The following AFAP1L1 variants were observed in gnomAD, a reference collection of about 807,000 sequenced individuals.
The protein encoded by AFAP1L1 is actin filament-associated protein 1-like 1.
In AFAP1L1, 77 loss-of-function variants were observed where a neutral mutation model predicts 99.8. The observed-to-expected ratio is 0.77, with a 90% CI of 0.64 to 0.93. AFAP1L1 has a LOEUF of 0.93. Ranked by LOEUF, AFAP1L1 falls within the 40% of genes least tolerant of loss-of-function variation. The pLI is 0.00. For missense variants in AFAP1L1, 893 were observed against 996.8 expected (o/e 0.90, Z 1.40); for synonymous variants, 373 against 395.3 (o/e 0.94, Z 0.67).
chr5:149,342,378 G>GC lies in AFAP1L1; in HGVS notation c.*2348_*2349insC. Among the ~76,000 whole-genome samples, 1 of 152,152 alleles carries GC rather than the reference G, an allele frequency of 6.6e-6. No homozygotes were observed. Among genetic ancestry groups the GC allele is most frequent in the Non-Finnish European group, 1.5e-5 (1 of 68,034 alleles). Reference sequence around the variant, plus strand: ...CCATAGTTCTTATATTTACATGCTGGTGGAGCCAGCATGTGAATATAAGAA... The same window carrying GC: ...CCATAGTTCTTATATTTACATGCTGGCTGGAGCCAGCATGTGAATATAAGAA... On this transcript the variant is annotated 3_prime_UTR_variant, in exon 19 of 19. Transcript: ENST00000296721.
intron 1 of AFAP1L1, among the ~76,000 whole-genome samples, chr5:149,299,099 C>T (rs1388960482): frequency 6.6e-6 from 1 of 152,192 alleles, no homozygotes; most frequent in Non-Finnish European, 1.5e-5. Flanking sequence ...TCCTGGATGG[C>T]CAGGGGCTCC....
chr5:149,336,802 C>T (rs532313101), intron 18 of AFAP1L1, among the ~76,000 whole-genome samples: 14 of 152,352 alleles, frequency 9.2e-5, no homozygotes, highest in African/African-American at 3.4e-4. Context: ...TTAAAGGCTG[C>T]ACCTCTCAAT....
chr5:149,291,051 G>T (rs1210456910), intron 1 of AFAP1L1, among the ~76,000 whole-genome samples: 1 of 152,198 alleles, frequency 6.6e-6, no homozygotes, highest in Non-Finnish European at 1.5e-5. Flanking sequence ...GCATAAAATG[G>T]GGGGAGTAGG....
chr5:149,309,560 G>A (rs772091026), intron 7 of AFAP1L1, among the ~76,000 whole-genome samples: 3 of 152,004 alleles, frequency 2.0e-5, no homozygotes, highest in Non-Finnish European at 2.9e-5. Context: ...ATCATTATTC[G>A]TAAACTATTG....
chr5:149,319,451 T>C (rs1032910670), intron 12 of AFAP1L1, 131 bp from the exon 13 acceptor site: 59 of 1,042,008 alleles, frequency 5.7e-5, no homozygotes, highest in Non-Finnish European at 7.4e-5. Context: ...TATAATCTTA[T>C]TCCTCTTTGA....
At chr5:149,299,745 C>G in intron 2 of AFAP1L1, 108 bp downstream of exon 2, 2 of 1,479,552 alleles carry the variant, frequency 1.4e-6, no homozygotes, top group Admixed American at 2.0e-5. Context: ...CCCCCACCCC[C>G]AGGGGCTGCC....
intron 2 of AFAP1L1, 115 bp from the exon 3 acceptor site, chr5:149,300,156 G>A (rs758767707): frequency 4.6e-6 from 3 of 654,250 alleles, no homozygotes; most frequent in Non-Finnish European, 7.8e-6. Flanking sequence ...TTTAGGACTT[G>A]AATGCGCTTT....
At chr5:149,305,512 C>G (rs1756378514) in intron 5 of AFAP1L1, among the ~76,000 whole-genome samples, 1 of 152,186 alleles carries the variant, frequency 6.6e-6, no homozygotes, top group Non-Finnish European at 1.5e-5. Context: ...CCAGCCCACT[C>G]CAATGAACCA....
intron 8 of AFAP1L1, among the ~76,000 whole-genome samples, chr5:149,310,463 T>C (rs904668655): frequency 6.6e-6 from 1 of 152,178 alleles, no homozygotes; most frequent in Admixed American, 6.5e-5. Flanking sequence ...ATTAGACCAG[T>C]GAATTCTTAA....
rs1757512266 is a variant in AFAP1L1 at position 149,339,856 on chromosome 5, C to T, written c.2284-151C>T. ...GATACCAGCATGGAGAAGTGACTTA[C>T]TCAGGGCCACAGAAAGAGAGAGAGG... is the stretch of plus-strand genomic sequence containing the variant. On this transcript the variant is annotated intron_variant, in intron 18 of 18. Coordinates refer to ENST00000296721, the MANE Select transcript of AFAP1L1 (RefSeq NM_152406.4). 6.2e-6 allele frequency: 4 copies of T among 643,140 alleles called. No homozygotes were observed. The South Asian group carries it at 9.4e-5, about 15-fold the overall frequency. 39.8% of individuals were successfully genotyped at this position (643,140 alleles called of 1,614,324 possible). A position where few individuals can be genotyped will look rare whatever the true frequency, so the allele number is the denominator to read the frequency against.
chr5:149,335,564 A>G (rs779874617), intron 17 of AFAP1L1, 30 bp from the exon 18 acceptor site: 1 of 1,610,974 alleles, frequency 6.2e-7, no homozygotes, highest in East Asian at 2.2e-5. Flanking sequence ...ACCAGATCTC[A>G]CCTATATAAT....
chr5:149,312,212 T>C lies in AFAP1L1; in HGVS notation c.1020+8T>C. The C allele has an allele frequency of 8.7e-6, 14 of 1,613,696 alleles. No individual in the cohort carries two copies. Among genetic ancestry groups the C allele is most frequent in the Non-Finnish European group, 1.2e-5 (14 of 1,179,592 alleles). ...AAGTTGGACCTGGACAAGGTATATC[T>C]GTCTCCACTAAGTCTTCCCCAGGCC... On this transcript the variant is annotated splice_region_variant and intron_variant, in intron 9 of 18. Coordinates refer to ENST00000296721, the MANE Select transcript of AFAP1L1 (RefSeq NM_152406.4).
Position 149,316,233 on chromosome 5 carries a change from C to A in AFAP1L1, c.1197C>A (p.Gly399=), listed in dbSNP as rs1276475306. The A allele has an allele frequency of 1.9e-6, 3 of 1,613,992 alleles. No homozygotes were observed. Among genetic ancestry groups the A allele is most frequent in the Non-Finnish European group, 2.5e-6 (3 of 1,180,040 alleles). The change falls in exon 11 of 19, where the codon GGC becomes GGA. Residue 399 remains glycine, a synonymous_variant. Coordinates refer to ENST00000296721, the MANE Select transcript of AFAP1L1 (RefSeq NM_152406.4). ...GCCGCAAGATCACCCGTATCATTGGCTTCTCCAAGAAGAAGACACTGGCCG... is the reference window on the plus strand; with the variant it reads ...GCCGCAAGATCACCCGTATCATTGGATTCTCCAAGAAGAAGACACTGGCCG... ...AAGRKITRII[G]FSKKKTLADD...
At chr5:149,294,159 C>A (rs1171703934) in intron 1 of AFAP1L1, among the ~76,000 whole-genome samples, 3 of 152,138 alleles carry the variant, frequency 2.0e-5, no homozygotes, top group Non-Finnish European at 4.4e-5. Context: ...GAACCTTGGA[C>A]TGCCCCCATC....
At chr5:149,302,083 C>G (rs1011673696) in intron 4 of AFAP1L1, among the ~76,000 whole-genome samples, 1 of 152,254 alleles carries the variant, frequency 6.6e-6, no homozygotes, top group African/African-American at 2.4e-5. Context: ...CCTACTGCAC[C>G]TCGTGTGTGT....
At chr5:149,290,745 C>T (rs970360100) in intron 1 of AFAP1L1, among the ~76,000 whole-genome samples, 11 of 151,744 alleles carry the variant, frequency 7.2e-5, no homozygotes, top group Non-Finnish European at 1.6e-4. Flanking sequence ...TTTTTTCAAG[C>T]ATCTCTTTAC....
At chr5:149,289,741 G>A (rs960307263) in intron 1 of AFAP1L1, among the ~76,000 whole-genome samples, 1 of 152,214 alleles carries the variant, frequency 6.6e-6, no homozygotes, top group Non-Finnish European at 1.5e-5. Context: ...TCTCAACCCA[G>A]GAAGTGAAGG....
rs76463646 is a variant in AFAP1L1 at position 149,292,989 on chromosome 5, G to T, written c.17-6520G>T. 7.0e-3 allele frequency among the ~76,000 whole-genome samples: 1,071 copies of T among 152,312 alleles called. 10 individuals carry two copies. Among genetic ancestry groups the T allele is most frequent in the South Asian group, 0.038 (181 of 4,814 alleles). On this transcript the variant is annotated intron_variant, in intron 1 of 18. Coordinates refer to ENST00000296721, the MANE Select transcript of AFAP1L1 (RefSeq NM_152406.4). ...TGAGCACTCTGAGGGAAGGGGCTTCGCCAGCTCCTTGTGCCACAGCCATCC... is the reference window on the plus strand; with the variant it reads ...TGAGCACTCTGAGGGAAGGGGCTTCTCCAGCTCCTTGTGCCACAGCCATCC...
intron 11 of AFAP1L1, among the ~76,000 whole-genome samples, chr5:149,317,493 A>G (rs1348533834): frequency 2.0e-5 from 3 of 152,320 alleles, no homozygotes; most frequent in Admixed American, 2.0e-4. Context: ...CTTTTCATCA[A>G]GGTTGGTGTG....
Sources: gnomAD v4.1 joint callset for allele counts (sites outside exome capture counted in the v4.1 genomes callset) on GRCh38, gnomAD v4.1.1 for gene constraint, MANE v1.5 for transcripts, NCBI Gene and HGNC (gene_info 2026-07-23, HGNC 2026-07-21) for gene names.